The following TRIM37 variants were observed in gnomAD, a reference collection of about 807,000 sequenced individuals.
TRIM37 encodes the protein tripartite motif containing 37, also known as E3 ubiquitin-protein ligase TRIM37.
Under a neutral mutation model 129.8 loss-of-function variants are expected in TRIM37, and 80 were observed. The ratio of observed to expected loss-of-function variants is 0.62; its 90% confidence interval spans 0.51 to 0.74. TRIM37 has a LOEUF of 0.74. TRIM37 is among the 30% of genes least tolerant of loss of function. TRIM37 has a pLI of 0.00. For missense variants in TRIM37, 1,054 were observed against 1,176.5 expected (o/e 0.90, Z 1.52); for synonymous variants, 389 against 387.1 (o/e 1.00, Z -0.06).
At chr17:59,094,750 G>A (rs925990686) in intron 2 of TRIM37, among the ~76,000 whole-genome samples, 5 of 151,804 alleles carry the variant, frequency 3.3e-5, no homozygotes, top group Admixed American at 1.3e-4. Context: ...ATTTGGCATG[G>A]TGAAAAACAA....
At chr17:59,071,282 G>GC (rs2042336716) in intron 8 of TRIM37, among the ~76,000 whole-genome samples, 1 of 144,114 alleles carries the variant, frequency 6.9e-6, no homozygotes, top group Admixed American at 6.9e-5. Context: ...TAAGTTGAAA[G>GC]CTTTTTTTTT....
intron 13 of TRIM37, among the ~76,000 whole-genome samples, chr17:59,055,332 C>CA (rs34519741): frequency 0.03 from 1,954 of 65,586 alleles, 120 homozygotes; most frequent in African/African-American, 0.092. Flanking sequence ...AACTCTGTCT[C>CA]AAAAAAAAAA....
rs1422858789 is a variant in TRIM37, at chr17:59,028,597, A to C, written c.2075T>G (p.Val692Gly). ...TTTTATTTCTGAAAGTGTATTCTTT[A>C]CATCAGTTTTCATACATCGAACTTC... is the stretch of plus-strand genomic sequence containing the variant. ...MAEVRCMKTD[V>G]KNTLSEIKSS... The change falls in exon 19 of 24, where the codon GTA becomes GGA. Residue 692 changes from valine to glycine, a missense_variant. Physicochemically the swap from Val to Gly is moderately radical, Grantham distance 109. Around this residue, in one of 3 missense-constraint regions of TRIM37, gnomAD observed 752 missense variants for 870.8 expected, o/e 0.86. Transcript: ENST00000262294. The C allele has an allele frequency of 6.2e-7, 1 of 1,614,238 alleles. No homozygotes were observed. The highest frequency in any genetic ancestry group is 8.5e-7 in the Non-Finnish European group (1 of 1,180,050).
chr17:59,071,442 T>C (rs1412028625), intron 8 of TRIM37, among the ~76,000 whole-genome samples: 1 of 152,012 alleles, frequency 6.6e-6, no homozygotes, highest in Admixed American at 6.6e-5. Flanking sequence ...GGTGCCACCA[T>C]ACCCAGGTAA....
In TRIM37 at chr17:58,998,827, C is replaced by T. The variant is rs915387137; in HGVS notation, c.*550G>A. 1 of 989,860 alleles carries T rather than the reference C, an allele frequency of 1.0e-6. No individual in the cohort carries two copies. Among genetic ancestry groups the T allele is most frequent in the Non-Finnish European group, 1.2e-6 (1 of 832,648 alleles). The allele number at this position is 989,860 out of a possible 1,614,324, so 61.3% of individuals were successfully genotyped here. On this transcript the variant is annotated 3_prime_UTR_variant, in exon 24 of 24. Transcript: ENST00000262294. ...TTGAACAAGTGAGAGAAGATACATACTCCAAAAAGGAGATTCAGTCTAGTG... is the reference window on the plus strand; with the variant it reads ...TTGAACAAGTGAGAGAAGATACATATTCCAAAAAGGAGATTCAGTCTAGTG...
intron 8 of TRIM37, among the ~76,000 whole-genome samples, chr17:59,072,113 T>G (rs906858187): frequency 3.9e-5 from 6 of 152,210 alleles, no homozygotes; most frequent in Middle Eastern, 3.4e-3. Flanking sequence ...GGTGTCCTTA[T>G]TAAGAGGAAG....
At chr17:59,088,732 G>A (rs1463376547) in intron 3 of TRIM37, among the ~76,000 whole-genome samples, 1 of 151,410 alleles carries the variant, frequency 6.6e-6, no homozygotes, top group Non-Finnish European at 1.5e-5. Flanking sequence ...TTCCCAGGCT[G>A]GTCTTGAACT....
chr17:59,100,118 C>G (rs964203823), intron 2 of TRIM37, among the ~76,000 whole-genome samples: 1 of 152,056 alleles, frequency 6.6e-6, no homozygotes, highest in African/African-American at 2.4e-5. Context: ...TTTGAAGTCC[C>G]CAGTGTCTAG....
the TRIM37 span, among the ~76,000 whole-genome samples, chr17:58,974,974 G>A: frequency 6.6e-6 from 1 of 152,082 alleles, no homozygotes; most frequent in Non-Finnish European, 1.5e-5. Context: ...GCCAAAAAGG[G>A]GAAATGTCTC....
chr17:59,031,516 ATGAG>A (rs1348343921), intron 18 of TRIM37, among the ~76,000 whole-genome samples: 2 of 152,264 alleles, frequency 1.3e-5, no homozygotes, highest in African/African-American at 2.4e-5. Flanking sequence ...ACATCAAAGA[ATGAG>A]TAAGTCACCT....
intron 3 of TRIM37, among the ~76,000 whole-genome samples, chr17:59,089,420 A>G (rs1302222153): frequency 3.3e-5 from 5 of 152,194 alleles, no homozygotes; most frequent in African/African-American, 1.2e-4. Context: ...CAGCGGGTGG[A>G]TCACAAGGTC....
chr17:58,971,529 G>A, the TRIM37 span, among the ~76,000 whole-genome samples: 1 of 152,102 alleles, frequency 6.6e-6, no homozygotes, highest in Non-Finnish European at 1.5e-5. Context: ...CAAAAGCAAA[G>A]ACCCCTAAAA....
At chr17:59,002,734 T>C (rs967441442) in intron 22 of TRIM37, among the ~76,000 whole-genome samples, 1 of 152,092 alleles carries the variant, frequency 6.6e-6, no homozygotes, top group Admixed American at 6.5e-5. Context: ...CAAAGAAAGA[T>C]AAGGAACTTT....
In TRIM37 at chr17:59,106,518, T is replaced by C; in HGVS notation, c.-57A>G. On this transcript the variant is annotated 5_prime_UTR_variant, in exon 1 of 24. Transcript: ENST00000262294. The stretch of plus-strand genomic sequence containing the variant: ...CCCGCAGGCTCCGCAGTCTGACCTC[T>C]TAGGCGCCGGCCCGAGGTCGCCAGA... 1 of 1,608,576 alleles carries C rather than the reference T, an allele frequency of 6.2e-7. No homozygotes were observed. Among genetic ancestry groups the C allele is most frequent in the Non-Finnish European group, 8.5e-7 (1 of 1,177,112 alleles).
rs1025531781 is a variant in TRIM37 at position 59,041,864 on chromosome 17, C to G, written c.1702G>C (p.Glu568Gln). The G allele has an allele frequency of 1.9e-6, 3 of 1,613,716 alleles. No individual in the cohort carries two copies. In the African/African-American group the frequency reaches 4.0e-5, roughly 22 times the overall value. The change falls in exon 17 of 24, where the codon GAA becomes CAA. Residue 568 changes from glutamate (E) to glutamine (Q), a missense_variant. Around this residue, in one of 3 missense-constraint regions of TRIM37, gnomAD observed 752 missense variants for 870.8 expected, o/e 0.86. Coordinates refer to ENST00000262294, the MANE Select transcript of TRIM37 (RefSeq NM_015294.6). ...TCCATGAGTTCTCCCTCTTCTAATT[C>G]CATGTTGTTATATTCCACATCATTT... ...GENDVEYNNMELEEGELMEDA... is the reference protein window; with the variant it reads ...GENDVEYNNMQLEEGELMEDA...
At chr17:59,089,254 A>AAAAAC (rs766067721) in intron 3 of TRIM37, among the ~76,000 whole-genome samples, 17 of 152,222 alleles carry the variant, frequency 1.1e-4, no homozygotes, top group East Asian at 3.9e-4. Flanking sequence ...AGCCTGTCTC[A>AAAAAC]AAAACAAAAC....
At chr17:59,095,283 C>A (rs1459487339) in intron 2 of TRIM37, among the ~76,000 whole-genome samples, 1 of 151,702 alleles carries the variant, frequency 6.6e-6, no homozygotes, top group Non-Finnish European at 1.5e-5. Flanking sequence ...GGCAAAGATA[C>A]CAAAGATAAC....
intron 24 of TRIM37, among the ~76,000 whole-genome samples, chr17:58,986,387 T>TG (rs36016700): frequency 1.4e-4 from 21 of 151,046 alleles, no homozygotes; most frequent in African/African-American, 2.4e-4. Context: ...TTAGTGGAGG[T>TG]GGGGTTTCAC....
rs568073909 is a variant in TRIM37, at chr17:59,024,209, C to T, written c.2257+4206G>A. ...AGGCTGGGCAACAAGAGTGAAATTC[C>T]GTATCAAAAAAAAAAAAAAAAAAAA... On this transcript the variant is annotated intron_variant, in intron 19 of 23. Coordinates refer to ENST00000262294, the MANE Select transcript of TRIM37 (RefSeq NM_015294.6). 1.1e-3 allele frequency among the ~76,000 whole-genome samples: 106 copies of T among 98,030 alleles called. 2 individuals carry two copies. In the East Asian group the frequency reaches 0.028, roughly 25 times the overall value. The allele number at this position is 98,030 out of a possible 152,430, so 64.3% of individuals were successfully genotyped here.
Sources: gnomAD v4.1 joint callset for allele counts (sites outside exome capture counted in the v4.1 genomes callset) on GRCh38, gnomAD v4.1.1 for gene constraint, gnomAD v4.1.1 regional missense constraint, MANE v1.5 for transcripts, NCBI Gene and HGNC (gene_info 2026-07-23, HGNC 2026-07-21) for gene names.